Variants in SLC35F4 observed in about 807,000 individuals in gnomAD.
SLC35F4 encodes chromosome 14 open reading frame 36.
SLC35F4 carries 24 observed loss-of-function variants against 44.2 expected under a neutral mutation model. That is an observed-to-expected ratio of 0.54 (90% CI 0.39 to 0.76). SLC35F4 has a LOEUF of 0.76. Among genes scored for constraint, SLC35F4 ranks in the 30% least tolerant of loss-of-function variants. The pLI is 0.00. For missense variants in SLC35F4, 562 were observed against 586.1 expected, an observed-to-expected ratio of 0.96 and a Z score of 0.42; for synonymous variants, 238 against 223.6, an observed-to-expected ratio of 1.06 and a Z score of -0.57.
chr14:57,679,411 A>G (rs1448689574), intron 1 of SLC35F4, among the ~76,000 whole-genome samples: 1 of 152,134 alleles, frequency 6.6e-6, no homozygotes, highest in East Asian at 1.9e-4. Context: ...AAATGCCCAC[A>G]GGAGAAAGGA....
chr14:57,971,414 C>G (rs576193120), intron 1 of SLC35F4, among the ~76,000 whole-genome samples: 12 of 152,282 alleles, frequency 7.9e-5, no homozygotes, highest in Admixed American at 7.9e-4. Context: ...ACTCCATGAA[C>G]TGAAAACAAA....
At chr14:57,794,005 G>A (rs867336654) in intron 1 of SLC35F4, among the ~76,000 whole-genome samples, 13 of 151,928 alleles carry the variant, frequency 8.6e-5, no homozygotes, top group Admixed American at 2.6e-4. Flanking sequence ...AATTGTAGAA[G>A]AATGCAGAAG....
intron 1 of SLC35F4, among the ~76,000 whole-genome samples, chr14:57,650,443 CCT>C (rs911586152): frequency 3.9e-5 from 6 of 152,116 alleles, no homozygotes; most frequent in African/African-American, 9.7e-5. Context: ...CTCCCACACC[CCT>C]GTCATCTAAT....
chr14:57,980,635 A>T (rs1881350742), intron 1 of SLC35F4, among the ~76,000 whole-genome samples: 1 of 129,306 alleles, frequency 7.7e-6, no homozygotes, highest in East Asian at 2.8e-4. Context: ...GTGGGCGTAC[A>T]CATCAAGAAA....
At chr14:57,595,293 C>T (rs2070425440) in intron 1 of SLC35F4, among the ~76,000 whole-genome samples, 2 of 152,226 alleles carry the variant, frequency 1.3e-5, no homozygotes, top group South Asian at 4.1e-4. Context: ...TCAGGAAGAA[C>T]ACCACAGAGG....
chr14:57,853,082 C>T (rs1247324022), intron 1 of SLC35F4, among the ~76,000 whole-genome samples: 1 of 152,176 alleles, frequency 6.6e-6, no homozygotes, highest in African/African-American at 2.4e-5. Flanking sequence ...ATCGGAAAGA[C>T]CTGTTGTATT....
intron 1 of SLC35F4, among the ~76,000 whole-genome samples, chr14:57,667,273 G>T (rs771908610): frequency 6.6e-6 from 1 of 151,868 alleles, no homozygotes; most frequent in Non-Finnish European, 1.5e-5. Flanking sequence ...ACTGCCAAAC[G>T]TTTTTAAAGG....
At chr14:57,948,797 T>C (rs1410162436) in intron 1 of SLC35F4, among the ~76,000 whole-genome samples, 1 of 152,168 alleles carries the variant, frequency 6.6e-6, no homozygotes, top group Admixed American at 6.5e-5. Flanking sequence ...TTGACCCAAA[T>C]ATCATTCAAG....
At chr14:57,607,783 G>A (rs2071251890) in intron 1 of SLC35F4, among the ~76,000 whole-genome samples, 1 of 152,200 alleles carries the variant, frequency 6.6e-6, no homozygotes. Flanking sequence ...TGGATGTCTA[G>A]GGGACAGATT....
At chr14:57,749,221 A>C (rs1050855196) in intron 1 of SLC35F4, among the ~76,000 whole-genome samples, 6 of 152,136 alleles carry the variant, frequency 3.9e-5, no homozygotes, top group Non-Finnish European at 8.8e-5. Context: ...ATTCTCATTA[A>C]ATTTTACTGC....
chr14:57,875,857 G>A (rs1445706781), intron 1 of SLC35F4, among the ~76,000 whole-genome samples: 1 of 152,182 alleles, frequency 6.6e-6, no homozygotes, highest in Non-Finnish European at 1.5e-5. Context: ...TCCAACTAAT[G>A]TAAATCAATG....
chr14:57,884,047 T>A (rs1432398862), intron 1 of SLC35F4, among the ~76,000 whole-genome samples: 1 of 152,140 alleles, frequency 6.6e-6, no homozygotes, highest in Non-Finnish European at 1.5e-5. Flanking sequence ...GCTTCCAAAT[T>A]ATAGCCCCAG....
chr14:57,937,595 GAAAAGAAAAGAAAAGAA>G (rs1190408178), intron 1 of SLC35F4, among the ~76,000 whole-genome samples: 1 of 59,314 alleles, frequency 1.7e-5, no homozygotes, highest in African/African-American at 1.3e-4. Context: ...AGAAAGAAAA[GAAAAGAAAAGAAAAGAA>G]AAGAAAAGAA....
intron 1 of SLC35F4, among the ~76,000 whole-genome samples, chr14:57,891,916 A>G (rs1888777782): frequency 6.7e-6 from 1 of 149,932 alleles, no homozygotes; most frequent in Non-Finnish European, 1.5e-5. Context: ...CTTTCTTAAG[A>G]GTCTTTCTGG....
chr14:57,697,353 A>T (rs1051798479), intron 1 of SLC35F4, among the ~76,000 whole-genome samples: 1 of 152,174 alleles, frequency 6.6e-6, no homozygotes, highest in South Asian at 2.1e-4. Context: ...ACAAATTTTT[A>T]AAATGTATTA....
At chr14:57,883,687 T>C (rs1888590141) in intron 1 of SLC35F4, among the ~76,000 whole-genome samples, 1 of 152,224 alleles carries the variant, frequency 6.6e-6, no homozygotes, top group Non-Finnish European at 1.5e-5. Flanking sequence ...TTTGGCTTAA[T>C]TGTCCTTGGG....
chr14:57,859,659 T>C (rs532371335), intron 1 of SLC35F4, among the ~76,000 whole-genome samples: 1 of 152,076 alleles, frequency 6.6e-6, no homozygotes, highest in Non-Finnish European at 1.5e-5. Flanking sequence ...GGGAAGTAAA[T>C]ATTTTTAAGG....
chr14:57,692,369 A>C (rs972273628), intron 1 of SLC35F4, among the ~76,000 whole-genome samples: 2 of 152,024 alleles, frequency 1.3e-5, no homozygotes, highest in African/African-American at 4.8e-5. Flanking sequence ...ATGGTCATAT[A>C]TTTATTTCTA....
intron 1 of SLC35F4, among the ~76,000 whole-genome samples, chr14:57,861,641 G>T (rs1887686387): frequency 6.6e-6 from 1 of 152,178 alleles, no homozygotes; most frequent in African/African-American, 2.4e-5. Context: ...TTCTTGTCAA[G>T]ATCACCCATG....
Sources: allele counts gnomAD v4.1 joint callset (sites outside exome capture counted in the v4.1 genomes callset), GRCh38; gene constraint gnomAD v4.1.1; transcripts MANE v1.5; gene names NCBI Gene and HGNC (gene_info 2026-07-23, HGNC 2026-07-21).